STK32B: variants seen among roughly 807,000 people sequenced by gnomAD.
STK32B encodes the protein serine/threonine kinase 32B.
STK32B carries 43 observed loss-of-function variants against 52.6 expected under a neutral mutation model. The ratio of observed to expected loss-of-function variants is 0.82; its 90% CI spans 0.64 to 1.05. The LOEUF (loss-of-function observed/expected upper bound fraction) is 1.05. Among genes scored for constraint, STK32B ranks in the 50% least tolerant of loss-of-function variants. STK32B has a pLI of 0.00. For synonymous variants in STK32B, 238 were observed against 204.3 expected (o/e 1.17, Z -1.41); for missense variants, 621 against 534.6 (o/e 1.16, Z -1.59).
At chr4:5,153,779 A>G (rs1055851474) in intron 2 of STK32B, among the ~76,000 whole-genome samples, 2 of 152,158 alleles carry the variant, frequency 1.3e-5, no homozygotes, top group African/African-American at 4.8e-5. Context: ...TTCTACATGG[A>G]AAACATCAAA....
chr4:5,021,698 C>T, the STK32B span, among the ~76,000 whole-genome samples: 1 of 152,286 alleles, frequency 6.6e-6, no homozygotes, highest in African/African-American at 2.4e-5. Flanking sequence ...CTTGTTCCAC[C>T]CGCAATACCG....
intron 11 of STK32B, among the ~76,000 whole-genome samples, chr4:5,491,138 A>G (rs1719696670): frequency 6.6e-6 from 1 of 152,206 alleles, no homozygotes; most frequent in African/African-American, 2.4e-5. Context: ...AGATTGCTGA[A>G]GAATCACCAC....
chr4:5,163,787 T>G (rs926712871), intron 2 of STK32B, among the ~76,000 whole-genome samples: 7 of 152,270 alleles, frequency 4.6e-5, no homozygotes, highest in African/African-American at 1.4e-4. Context: ...TCTCCCTATT[T>G]CTGAAATTCC....
intron 11 of STK32B, among the ~76,000 whole-genome samples, chr4:5,494,864 G>C (rs1010812079): frequency 9.2e-5 from 14 of 152,118 alleles, no homozygotes; most frequent in African/African-American, 3.4e-4. Flanking sequence ...TGAAATTCTG[G>C]GTTGAAAATT....
At chr4:5,335,961 G>T (rs191660266) in intron 4 of STK32B, among the ~76,000 whole-genome samples, 3 of 151,372 alleles carry the variant, frequency 2.0e-5, no homozygotes, top group Admixed American at 2.0e-4. Context: ...TATTGAGAAC[G>T]CAGACCTCTT....
rs116042601 is a variant in STK32B at position 5,123,191 on chromosome 4, A to T, written c.53-16714A>T. Among the ~76,000 whole-genome samples, 547 of 152,142 alleles carry T rather than the reference A, an allele frequency of 3.6e-3. 1 individual carries two copies. Among genetic ancestry groups the T allele is most frequent in the African/African-American group, 0.012 (499 of 41,488 alleles). On this transcript the variant is annotated intron_variant, in intron 1 of 11. Coordinates refer to ENST00000282908, the MANE Select transcript of STK32B (RefSeq NM_018401.3). ...CTCATGCCCCAAGCTGTAGAGACAG[A>T]AGGTGTTGCTCCACACTTCTCTGGC...
At position 5,464,332 on chromosome 4, in the gene STK32B, T is replaced by C. The variant is rs181960759; in HGVS notation, c.910-2371T>C. Among the ~76,000 whole-genome samples the C allele has an allele frequency of 5.3e-5, 8 of 152,366 alleles. No individual in the cohort carries two copies. In the East Asian group the frequency reaches 1.5e-3, roughly 29 times the overall value. ...AAAGACAAGCCCAAGCTTGGCCTCCTCTGGGACATTCCCAGCCAGCGCCAC... is the reference window on the plus strand; with the variant it reads ...AAAGACAAGCCCAAGCTTGGCCTCCCCTGGGACATTCCCAGCCAGCGCCAC... On this transcript the variant is annotated intron_variant, in intron 9 of 11. Coordinates refer to ENST00000282908, the MANE Select transcript of STK32B (RefSeq NM_018401.3).
chr4:5,409,030 C>A (rs1737855135), intron 5 of STK32B, among the ~76,000 whole-genome samples: 3 of 152,146 alleles, frequency 2.0e-5, no homozygotes, highest in Non-Finnish European at 2.9e-5. Flanking sequence ...ACTTTCTCAA[C>A]TGTTTACACC....
chr4:5,379,237 C>T (rs567048264), intron 4 of STK32B, among the ~76,000 whole-genome samples: 1 of 152,258 alleles, frequency 6.6e-6, no homozygotes, highest in South Asian at 2.1e-4. Flanking sequence ...CTTTGTGCTA[C>T]CCCTGGCTGC....
intron 1 of STK32B, among the ~76,000 whole-genome samples, chr4:5,078,233 C>A (rs1486249157): frequency 6.6e-6 from 1 of 152,080 alleles, no homozygotes; most frequent in Non-Finnish European, 1.5e-5. Flanking sequence ...GTGTCCACAC[C>A]CTGGACCAAT....
rs138368258 is a variant in STK32B at position 5,353,862 on chromosome 4, A to T, written c.434+22469A>T. On this transcript the variant is annotated intron_variant, in intron 4 of 11. Transcript: ENST00000282908. ...TCCAAAAAACTAGAACTACCATCTG[A>T]TCCAGGAATCCCACTACTGGGTGTT... 8.0e-4 allele frequency among the ~76,000 whole-genome samples: 122 copies of T among 152,354 alleles called. 1 individual carries two copies. The highest frequency in any genetic ancestry group is 2.5e-3 in the African/African-American group (106 of 41,592).
At chr4:5,316,214 C>G (rs191292031) in intron 3 of STK32B, among the ~76,000 whole-genome samples, 1 of 66,122 alleles carries the variant, frequency 1.5e-5, no homozygotes, top group Non-Finnish European at 2.4e-5. Context: ...ATATATATTA[C>G]ATAATATATT....
chr4:5,047,795 T>G (rs1485798541), upstream of STK32B, among the ~76,000 whole-genome samples: 1 of 152,156 alleles, frequency 6.6e-6, no homozygotes, highest in African/African-American at 2.4e-5. Flanking sequence ...TGGCCCCCAG[T>G]AAAATATGTT....
chr4:5,495,158 T>C (rs906430974), intron 11 of STK32B, among the ~76,000 whole-genome samples: 5 of 152,230 alleles, frequency 3.3e-5, no homozygotes, highest in Non-Finnish European at 2.9e-5. Flanking sequence ...CTGGATAATA[T>C]CCTGCAGAGT....
At chr4:5,236,820 A>C (rs1375109663) in intron 3 of STK32B, among the ~76,000 whole-genome samples, 1 of 152,212 alleles carries the variant, frequency 6.6e-6, no homozygotes, top group Non-Finnish European at 1.5e-5. Context: ...GGGGCTATTA[A>C]AATTACTGCG....
chr4:5,264,675 T>C (rs906038811), intron 3 of STK32B, among the ~76,000 whole-genome samples: 1 of 151,866 alleles, frequency 6.6e-6, no homozygotes, highest in African/African-American at 2.4e-5. Context: ...TAGTCCCAGC[T>C]GCTCGGGAGG....
chr4:5,162,174 C>T (rs1036267655), intron 2 of STK32B, among the ~76,000 whole-genome samples: 3 of 152,182 alleles, frequency 2.0e-5, no homozygotes, highest in African/African-American at 4.8e-5. Flanking sequence ...ACTCCTCTGT[C>T]CTCCTGGAGC....
At chr4:5,163,134 G>A (rs889054844) in intron 2 of STK32B, among the ~76,000 whole-genome samples, 11 of 152,202 alleles carry the variant, frequency 7.2e-5, no homozygotes, top group African/African-American at 2.4e-4. Flanking sequence ...AGGCAGTAGC[G>A]GGTAAGGAGT....
intron 7 of STK32B, among the ~76,000 whole-genome samples, chr4:5,452,749 C>G (rs1313762211): frequency 1.3e-5 from 2 of 152,140 alleles, no homozygotes; most frequent in Non-Finnish European, 2.9e-5. Context: ...TTCTTTTCCT[C>G]TGTCTTCTAT....
Sources: allele counts gnomAD v4.1 joint callset (sites outside exome capture counted in the v4.1 genomes callset), GRCh38; gene constraint gnomAD v4.1.1; transcripts MANE v1.5; gene names NCBI Gene and HGNC (gene_info 2026-07-23, HGNC 2026-07-21).